The following BOK variants were observed in gnomAD, a reference collection of about 807,000 sequenced individuals.
BOK encodes the protein bcl-2-related ovarian killer protein.
Under a neutral mutation model 18.3 loss-of-function variants are expected in BOK, and 20 were observed. The observed-to-expected ratio is 1.09, with a 90% CI of 0.77 to 1.59. The LOEUF (loss-of-function observed/expected upper bound fraction) is 1.59, where lower values mean the gene tolerates loss of function less well. Among genes scored for constraint, BOK ranks in the 40% most tolerant of loss-of-function variants. The pLI, the probability that BOK is intolerant of heterozygous loss-of-function variation, is 0.00. For missense variants in BOK, 348 were observed against 307.9 expected (o/e 1.13, Z -0.97); for synonymous variants, 173 against 142.4 (o/e 1.21, Z -1.53).
At chr2:241,566,374 C>A (rs567276029) in intron 3 of BOK, among the ~76,000 whole-genome samples, 11 of 150,796 alleles carry the variant, frequency 7.3e-5, no homozygotes, top group African/African-American at 2.7e-4. Flanking sequence ...TCTCGGCTCA[C>A]TGCAACCTCC....
rs1425909602 is a variant in BOK at position 241,567,768 on chromosome 2, T to G, written c.350-2357T>G. Among the ~76,000 whole-genome samples the G allele has an allele frequency of 4.5e-5, 6 of 134,512 alleles. 3 individuals are homozygous for G. The highest frequency in any genetic ancestry group is 1.2e-4 in the African/African-American group (4 of 34,260). The allele number at this position is 134,512 out of a possible 152,430, so 88.2% of individuals were successfully genotyped here. On this transcript the variant is annotated intron_variant, in intron 3 of 4. Coordinates refer to ENST00000318407, the MANE Select transcript of BOK (RefSeq NM_032515.5). ...GGGGAGTGACATGGTCTGAGTTGTGTTTTTCCCCATTTCTTTTAATTGACG... is the reference window on the plus strand; with the variant it reads ...GGGGAGTGACATGGTCTGAGTTGTGGTTTTCCCCATTTCTTTTAATTGACG...
intron 3 of BOK, among the ~76,000 whole-genome samples, chr2:241,568,156 T>C (rs1387783296): frequency 6.6e-6 from 1 of 152,220 alleles, no homozygotes; most frequent in African/African-American, 2.4e-5. Flanking sequence ...TTTTTCACTC[T>C]ATTGCCCAGG....
In BOK at chr2:241,562,415, G is replaced by A; in HGVS notation, c.288G>A (p.Leu96=). 6.2e-7 allele frequency: 1 copy of A among 1,612,302 alleles called. No homozygotes were observed. The highest frequency in any genetic ancestry group is 1.1e-5 in the South Asian group (1 of 91,070). ...TGGCGCGTCAGCTGCACATCTCCCT[G>A]CAGTCTGAGCCTGTGGTGACCGATG... ...RNVARQLHIS[L]QSEPVVTDAF... The change falls in exon 3 of 5, where the codon CTG becomes CTA. Residue 96 remains leucine, a synonymous_variant. Transcript: ENST00000318407. This position sits in a 1 kb window ranked among gnomAD's most constrained non-coding sequence, Gnocchi z 4.5.
At chr2:241,571,419 G>C (rs2125056637) in intron 4 of BOK, among the ~76,000 whole-genome samples, 1 of 151,044 alleles carries the variant, frequency 6.6e-6, no homozygotes, top group East Asian at 1.9e-4. Flanking sequence ...AGCGGCCAGG[G>C]GTGACAGCGC....
rs60163360 is a variant in BOK at position 241,572,865 on chromosome 2, C to T, written c.*443C>T. On this transcript the variant is annotated 3_prime_UTR_variant, in exon 5 of 5. Transcript: ENST00000318407. ...CACCTGAACCCCAGGTGAAGGGGCC[C>T]GGAACACCTGCTCTCACCTGAGCCC... 3.4e-3 allele frequency: 503 copies of T among 147,510 alleles called. No individual in the cohort carries two copies. The highest frequency in any genetic ancestry group is 0.014 in the African/African-American group (471 of 33,244). The allele number at this position is 147,510 out of a possible 1,614,324, so 9.1% of individuals were successfully genotyped here. A position where few individuals can be genotyped will look rare whatever the true frequency, so the allele number is the denominator to read the frequency against.
intron 1 of BOK, among the ~76,000 whole-genome samples, chr2:241,551,707 G>A (rs1052135691): frequency 6.6e-6 from 1 of 152,082 alleles, no homozygotes; most frequent in Admixed American, 6.5e-5. Flanking sequence ...AACCCCCCAC[G>A]GGAGGTGGGG....
chr2:241,560,101 C>T (rs1043794964), intron 2 of BOK: 7 of 985,422 alleles, frequency 7.1e-6, no homozygotes, highest in Non-Finnish European at 8.4e-6. Flanking sequence ...AGATCCCGCC[C>T]GCTGCCCTCT....
In BOK at chr2:241,570,158, C is replaced by CGGTGGCCGCGG. The variant is rs2066687739; in HGVS notation, c.386_396dup (p.Leu133TrpfsTer10). The stretch of plus-strand genomic sequence containing the variant: ...TGGGGCAAGGTGGTGTCCCTGTATG[C>CGGTGGCCGCGG]GGTGGCCGCGGGGCTGGCCGTGGAC... On this transcript the variant is annotated frameshift_variant, in exon 4 of 5. Coordinates refer to ENST00000318407, the MANE Select transcript of BOK (RefSeq NM_032515.5). LOFTEE classifies it high-confidence loss of function. 6.2e-7 allele frequency: 1 copy of CGGTGGCCGCGG among 1,611,164 alleles called. No homozygotes were observed. The highest frequency in any genetic ancestry group is 1.3e-5 in the African/African-American group (1 of 74,950).
At chr2:241,554,472 G>A (rs1007151630), upstream of BOK, among the ~76,000 whole-genome samples, 1 of 152,194 alleles carries the variant, frequency 6.6e-6, no homozygotes, top group Non-Finnish European at 1.5e-5. Context: ...ACATTCCACA[G>A]GAGCTGATGG....
rs1393510463 is a variant in BOK, at chr2:241,567,176, C to T, written c.350-2949C>T. Among the ~76,000 whole-genome samples the T allele has an allele frequency of 1.6e-5, 2 of 128,846 alleles. 1 individual carries two copies. Among genetic ancestry groups the T allele is most frequent in the African/African-American group, 6.2e-5 (2 of 32,024 alleles). 84.5% of individuals were successfully genotyped at this position (128,846 alleles called of 152,430 possible). ...TTTTTTTTAATTTTTGCTCTTTTGCCGAGGCTGGAATGAAGAGTTGTGATC... is the reference window on the plus strand; with the variant it reads ...TTTTTTTTAATTTTTGCTCTTTTGCTGAGGCTGGAATGAAGAGTTGTGATC... On this transcript the variant is annotated intron_variant, in intron 3 of 4. Coordinates refer to ENST00000318407, the MANE Select transcript of BOK (RefSeq NM_032515.5).
chr2:241,568,198 G>GC lies in BOK; in HGVS notation c.350-1926dup, dbSNP rs1480716818. ...TGCAATGGCGTGATCTCGGCTCACTGCAAGCTCCGCCTCCTGGGTTCACAC... is the reference window on the plus strand; with the variant it reads ...TGCAATGGCGTGATCTCGGCTCACTGCCAAGCTCCGCCTCCTGGGTTCACAC... On this transcript the variant is annotated intron_variant, in intron 3 of 4. Coordinates refer to ENST00000318407, the MANE Select transcript of BOK (RefSeq NM_032515.5). 2.6e-5 allele frequency among the ~76,000 whole-genome samples: 4 copies of GC among 152,224 alleles called. No homozygotes were observed. The East Asian group carries it at 7.7e-4, about 29-fold the overall frequency.
intron 2 of BOK, chr2:241,560,214 C>G (rs1022121570): frequency 2.0e-6 from 2 of 985,342 alleles, no homozygotes; most frequent in Non-Finnish European, 2.4e-6. Flanking sequence ...TCTGGGGGTG[C>G]TCGGTTCTGG....
intron 3 of BOK, among the ~76,000 whole-genome samples, chr2:241,569,269 T>C (rs2066665939): frequency 6.6e-6 from 1 of 152,012 alleles, no homozygotes; most frequent in African/African-American, 2.4e-5. Context: ...GTAGCTGGGA[T>C]TATAGGCGCG....
chr2:241,572,672 C>G lies in BOK; in HGVS notation c.*250C>G, dbSNP rs900778785. The G allele has an allele frequency of 1.8e-6, 1 of 570,728 alleles. No homozygotes were observed. The highest frequency in any genetic ancestry group is 1.9e-5 in the African/African-American group (1 of 53,440). The allele number at this position is 570,728 out of a possible 1,614,324, so 35.4% of individuals were successfully genotyped here. On this transcript the variant is annotated 3_prime_UTR_variant, in exon 5 of 5. Coordinates refer to ENST00000318407, the MANE Select transcript of BOK (RefSeq NM_032515.5). The stretch of plus-strand genomic sequence containing the variant: ...CCGCTTGTGTCCCTTCTCCTGTGAT[C>G]TCTGTGTTTTCCCTTTTCTTTCTGG...
upstream of BOK, among the ~76,000 whole-genome samples, chr2:241,556,581 C>CAAAAAAAA (rs55866928): frequency 2.3e-5 from 2 of 86,788 alleles, no homozygotes; most frequent in African/African-American, 4.6e-5. Context: ...GACTCCGTCT[C>CAAAAAAAA]AAAAAAAAAA....
upstream of BOK, among the ~76,000 whole-genome samples, chr2:241,555,955 C>G (rs2066447411): frequency 1.3e-5 from 2 of 152,184 alleles, no homozygotes; most frequent in Admixed American, 1.3e-4. Flanking sequence ...GTGTGAGCTT[C>G]CTGGTCTCCT....
At chr2:241,566,293 T>C (rs2066611411) in intron 3 of BOK, among the ~76,000 whole-genome samples, 1 of 90,092 alleles carries the variant, frequency 1.1e-5, no homozygotes, top group South Asian at 3.9e-4. Flanking sequence ...TTTCTTTTTT[T>C]TCTTTTTTCT....
intron 3 of BOK, among the ~76,000 whole-genome samples, chr2:241,563,018 T>C (rs1453412509): frequency 5.3e-5 from 8 of 152,040 alleles, no homozygotes; most frequent in Admixed American, 4.6e-4. Flanking sequence ...GGGGAGAGCA[T>C]GGGGGTCCAA....
chr2:241,553,909 T>C (rs1272828053), upstream of BOK, among the ~76,000 whole-genome samples: 1 of 152,112 alleles, frequency 6.6e-6, no homozygotes, highest in Non-Finnish European at 1.5e-5. Flanking sequence ...CTGGAAGCCT[T>C]CCAAGACCGG....
Sources: gnomAD v4.1 joint callset for allele counts (sites outside exome capture counted in the v4.1 genomes callset) on GRCh38, gnomAD v4.1.1 for gene constraint, Gnocchi (gnomAD v3.1) non-coding constraint, MANE v1.5 for transcripts, NCBI Gene and HGNC (gene_info 2026-07-23, HGNC 2026-07-21) for gene names.